The following KDM4C variants were observed in gnomAD, a reference collection of about 807,000 sequenced individuals.
The protein encoded by KDM4C is lysine demethylase 4C, also known as lysine-specific demethylase 4C.
KDM4C carries 81 observed loss-of-function variants against 129.3 expected under a neutral mutation model. The observed-to-expected ratio is 0.63, with a 90% confidence interval of 0.52 to 0.75. The LOEUF is 0.75. Ranked by LOEUF, KDM4C falls within the 30% of genes least tolerant of loss-of-function variation. The pLI, the probability that KDM4C is intolerant of heterozygous loss-of-function variation, is 0.00. For synonymous variants in KDM4C, 573 were observed against 456.1 expected (o/e 1.26, Z -3.26); for missense variants, 1,457 against 1,304.0 (o/e 1.12, Z -1.81).
chr9:7,120,723 A>G (rs762100537), intron 18 of KDM4C, among the ~76,000 whole-genome samples: 11 of 152,222 alleles, frequency 7.2e-5, no homozygotes, highest in Non-Finnish European at 1.3e-4. Context: ...TTTTATGACC[A>G]AATTTTTATC....
chr9:7,158,669 C>T (rs1350362177), intron 19 of KDM4C, among the ~76,000 whole-genome samples: 1 of 152,136 alleles, frequency 6.6e-6, no homozygotes, highest in African/African-American at 2.4e-5. Context: ...GTTTCTTTAT[C>T]CTGAGTTCTA....
chr9:7,097,001 TC>T (rs1263993780), intron 17 of KDM4C, among the ~76,000 whole-genome samples: 1 of 152,198 alleles, frequency 6.6e-6, no homozygotes, highest in African/African-American at 2.4e-5. Context: ...TGCTCCTACT[TC>T]CTGACTCCAT....
At chr9:6,729,499 A>T (rs527416943) in intron 1 of KDM4C, among the ~76,000 whole-genome samples, 1 of 133,202 alleles carries the variant, frequency 7.5e-6, no homozygotes, top group African/African-American at 3.2e-5. Flanking sequence ...GTGAGCCAAG[A>T]TCACGCCACT....
chr9:7,040,643 A>G (rs1465654484), intron 15 of KDM4C, among the ~76,000 whole-genome samples: 1 of 151,718 alleles, frequency 6.6e-6, no homozygotes, highest in Admixed American at 6.6e-5. Flanking sequence ...TTTTTTTAAA[A>G]GGTTGTTTTC....
chr9:7,080,439 A>G (rs979604389), intron 17 of KDM4C, among the ~76,000 whole-genome samples: 3 of 152,172 alleles, frequency 2.0e-5, no homozygotes, highest in African/African-American at 4.8e-5. Context: ...TGTTAAGGCC[A>G]TTGTATAGTT....
intron 15 of KDM4C, among the ~76,000 whole-genome samples, chr9:7,031,132 T>C (rs1295553684): frequency 1.8e-5 from 2 of 110,674 alleles, no homozygotes; most frequent in Non-Finnish European, 3.7e-5. Context: ...TTTTACTTGT[T>C]TATTTATTTA....
intron 17 of KDM4C, among the ~76,000 whole-genome samples, chr9:7,067,528 G>A (rs1168385069): frequency 6.6e-6 from 1 of 152,136 alleles, no homozygotes; most frequent in Admixed American, 6.5e-5. Flanking sequence ...AAGGTGCAGG[G>A]CAACTCCAAA....
intron 5 of KDM4C, among the ~76,000 whole-genome samples, chr9:6,856,491 T>A (rs1281931923): frequency 6.6e-6 from 1 of 151,934 alleles, no homozygotes; most frequent in Non-Finnish European, 1.5e-5. Context: ...GTAATAAAAT[T>A]AACCGCATAG....
intron 15 of KDM4C, among the ~76,000 whole-genome samples, chr9:7,045,353 A>G (rs1406979023): frequency 6.6e-6 from 1 of 152,032 alleles, no homozygotes; most frequent in African/African-American, 2.4e-5. Flanking sequence ...TTTGAAACTA[A>G]CATCTTCATG....
chr9:7,058,257 T>A (rs1357008557), intron 17 of KDM4C, among the ~76,000 whole-genome samples: 1 of 97,964 alleles, frequency 1.0e-5, no homozygotes, highest in Non-Finnish European at 2.1e-5. Flanking sequence ...CAAAATGTGA[T>A]CAGCATACTG....
intron 1 of KDM4C, among the ~76,000 whole-genome samples, chr9:6,787,405 G>A (rs1415007095): frequency 6.6e-6 from 1 of 152,124 alleles, no homozygotes. Flanking sequence ...GCTAATTTTT[G>A]TATTTTTAGT....
At chr9:6,913,996 CCAT>C (rs1315198300) in intron 8 of KDM4C, among the ~76,000 whole-genome samples, 1 of 152,170 alleles carries the variant, frequency 6.6e-6, no homozygotes. Context: ...CAATTCTGTT[CCAT>C]CATCCTTGTT....
intron 1 of KDM4C, among the ~76,000 whole-genome samples, chr9:6,741,653 C>A (rs1276930850): frequency 1.5e-5 from 2 of 134,360 alleles, no homozygotes; most frequent in African/African-American, 2.8e-5. Flanking sequence ...AGAATATTTT[C>A]ATTGAATTTT....
intron 1 of KDM4C, among the ~76,000 whole-genome samples, chr9:6,777,114 G>C (rs1823247788): frequency 6.6e-6 from 1 of 152,150 alleles, no homozygotes; most frequent in African/African-American, 2.4e-5. Context: ...TTACTCTGTA[G>C]TCAGTTGTCT....
chr9:7,070,467 C>G (rs1178183113), intron 17 of KDM4C, among the ~76,000 whole-genome samples: 1 of 152,028 alleles, frequency 6.6e-6, no homozygotes, highest in Non-Finnish European at 1.5e-5. Context: ...ATATACATTT[C>G]AAAAAATCCC....
intron 6 of KDM4C, among the ~76,000 whole-genome samples, chr9:6,886,322 CTT>C (rs767744199): frequency 8.4e-5 from 12 of 142,136 alleles, no homozygotes; most frequent in Admixed American, 1.4e-4. Context: ...TCCTTCCTAT[CTT>C]TTTTTTTTTT....
chr9:7,024,400 G>C (rs1046602188), intron 15 of KDM4C, among the ~76,000 whole-genome samples: 1 of 148,226 alleles, frequency 6.7e-6, no homozygotes, highest in Non-Finnish European at 1.5e-5. Flanking sequence ...TGTTACATAT[G>C]TATACATGTG....
intron 8 of KDM4C, among the ~76,000 whole-genome samples, chr9:6,916,664 G>A (rs1241279326): frequency 1.3e-5 from 2 of 152,192 alleles, no homozygotes; most frequent in African/African-American, 4.8e-5. Context: ...ATTTATATGT[G>A]TGAATAAAAT....
intron 18 of KDM4C, among the ~76,000 whole-genome samples, chr9:7,110,710 T>C (rs10758831): frequency 0.44 from 67,237 of 151,846 alleles, 15,203 homozygotes; most frequent in East Asian, 0.75. Flanking sequence ...TTCCCGCATT[T>C]GAAAATATTT....
Sources: allele counts gnomAD v4.1 joint callset (sites outside exome capture counted in the v4.1 genomes callset), GRCh38; gene constraint gnomAD v4.1.1; transcripts MANE v1.5; gene names NCBI Gene and HGNC (gene_info 2026-07-23, HGNC 2026-07-21).